SOS1: variants seen among roughly 807,000 people sequenced by gnomAD.
The protein encoded by SOS1 is SOS Ras/Rac guanine nucleotide exchange factor 1.
SOS1 carries 25 observed loss-of-function variants against 157.6 expected under a neutral mutation model. That is an observed-to-expected ratio of 0.16 (90% CI 0.12 to 0.22). The LOEUF (loss-of-function observed/expected upper bound fraction) is 0.22, where lower values mean the gene tolerates loss of function less well. Ranked by LOEUF, SOS1 falls within the 10% of genes least tolerant of loss-of-function variation. The probability of loss-of-function intolerance (pLI) is 1.00; values close to 1 mark genes in which losing one functional copy is unlikely to be tolerated. For missense variants in SOS1, 1,237 were observed against 1,599.1 expected (o/e 0.77, Z 3.86); for synonymous variants, 528 against 534.0 (o/e 0.99, Z 0.16).
chr2:39,017,915 G>A (rs1669679338), intron 10 of SOS1, among the ~76,000 whole-genome samples: 1 of 151,872 alleles, frequency 6.6e-6, no homozygotes, highest in South Asian at 2.1e-4. Context: ...TACTGATGAT[G>A]TAAAGAGCTA....
Position 39,023,222 on chromosome 2 carries a change from T to G in SOS1, c.1206A>C (p.Glu402Asp). The G allele has an allele frequency of 6.2e-7, 1 of 1,611,418 alleles. No individual in the cohort carries two copies. Among genetic ancestry groups the G allele is most frequent in the Non-Finnish European group, 8.5e-7 (1 of 1,178,046 alleles). ...SKSLAKRRLS[E>D]SACRFYSQQM... ...GCTGACTATAAAACCGACATGCAGA[T>G]TCACTGGAATAAAGAAAAAGACATT... The change falls in exon 10 of 23, where the codon GAA becomes GAC. Residue 402 changes from glutamate (E) to aspartate (D), a missense_variant. Glu to Asp is a conservative substitution (Grantham distance 45). Coordinates refer to ENST00000402219, the MANE Select transcript of SOS1 (RefSeq NM_005633.4).
At chr2:39,083,816 A>G (rs535467614) in intron 1 of SOS1, among the ~76,000 whole-genome samples, 3 of 152,338 alleles carry the variant, frequency 2.0e-5, no homozygotes, top group African/African-American at 7.2e-5. Context: ...ACCACCAGTA[A>G]GGGAATGGTT....
intron 13 of SOS1, among the ~76,000 whole-genome samples, chr2:39,012,846 C>T (rs964960115): frequency 1.3e-5 from 2 of 152,102 alleles, no homozygotes; most frequent in African/African-American, 4.8e-5. Flanking sequence ...CATGAAAGTA[C>T]TATTATTTAA....
chr2:39,120,505 G>C lies in SOS1; in HGVS notation c.-83C>G. ...CCGCGAGAGGGCGAGCTCGCAGCGCGGAACAGGGCCGCGGCCCCACCGGAC... is the reference window on the plus strand; with the variant it reads ...CCGCGAGAGGGCGAGCTCGCAGCGCCGAACAGGGCCGCGGCCCCACCGGAC... On this transcript the variant is annotated 5_prime_UTR_variant, in exon 1 of 23. Transcript: ENST00000402219. The C allele has an allele frequency of 1.6e-6, 2 of 1,235,588 alleles. No homozygotes were observed. The highest frequency in any genetic ancestry group is 2.0e-6 in the Non-Finnish European group (2 of 987,502). 76.5% of individuals were successfully genotyped at this position (1,235,588 alleles called of 1,614,324 possible).
At chr2:39,002,788 G>C (rs1669146969) in intron 17 of SOS1, among the ~76,000 whole-genome samples, 1 of 152,060 alleles carries the variant, frequency 6.6e-6, no homozygotes, top group African/African-American at 2.4e-5. Flanking sequence ...GGTCAGGCTG[G>C]GTACGGTGGC....
chr2:39,019,176 C>T (rs575781739), intron 10 of SOS1, among the ~76,000 whole-genome samples: 22 of 151,798 alleles, frequency 1.4e-4, no homozygotes, highest in Admixed American at 7.2e-4. Flanking sequence ...AAGGGAAACA[C>T]CTTTTCCCTC....
At position 38,985,023 on chromosome 2, in the gene SOS1, A is replaced by G. The variant is rs2124451939; in HGVS notation, c.*801T>C. 1 of 152,320 alleles carries G rather than the reference A, an allele frequency of 6.6e-6. No individual in the cohort carries two copies. The highest frequency in any genetic ancestry group is 2.4e-5 in the African/African-American group (1 of 41,564). The allele number at this position is 152,320 out of a possible 1,614,324, so 9.4% of individuals were successfully genotyped here. On this transcript the variant is annotated 3_prime_UTR_variant, in exon 23 of 23. Coordinates refer to ENST00000402219, the MANE Select transcript of SOS1 (RefSeq NM_005633.4). Reference sequence around the variant, plus strand: ...AAATGACAATCTAGCATAGATGAACAGTCTCCTAAATGCAAATAGAATAGT... The same window carrying G: ...AAATGACAATCTAGCATAGATGAACGGTCTCCTAAATGCAAATAGAATAGT...
intron 8 of SOS1, among the ~76,000 whole-genome samples, chr2:39,033,607 C>T (rs1437243540): frequency 6.6e-6 from 1 of 152,138 alleles, no homozygotes; most frequent in Non-Finnish European, 1.5e-5. Context: ...GTGGTCATGG[C>T]TCACTGCAGC....
At chr2:39,105,808 G>A (rs1454137025) in intron 1 of SOS1, among the ~76,000 whole-genome samples, 1 of 152,296 alleles carries the variant, frequency 6.6e-6, no homozygotes, top group East Asian at 1.9e-4. Flanking sequence ...GCTGAGGTAG[G>A]AGAGTCACTA....
At position 39,007,209 on chromosome 2, in the gene SOS1, A is replaced by G. The variant is rs1669308971; in HGVS notation, c.2511-16T>C. On this transcript the variant is annotated splice_polypyrimidine_tract_variant and intron_variant, in intron 15 of 22. Transcript: ENST00000402219. ...TACAATACATCTGGGAATAAAAAAAAAGTGAACTAAAGGTTTTAGAGTTTT... is the reference window on the plus strand; with the variant it reads ...TACAATACATCTGGGAATAAAAAAAGAGTGAACTAAAGGTTTTAGAGTTTT... 6.7e-7 allele frequency: 1 copy of G among 1,488,494 alleles called. No individual in the cohort carries two copies. Among genetic ancestry groups the G allele is most frequent in the African/African-American group, 1.4e-5 (1 of 72,440 alleles). The allele number at this position is 1,488,494 out of a possible 1,614,324, so 92.2% of individuals were successfully genotyped here. A position where few individuals can be genotyped will look rare whatever the true frequency, so the allele number is the denominator to read the frequency against.
upstream of SOS1, among the ~76,000 whole-genome samples, chr2:39,123,031 G>A (rs532015567): frequency 3.9e-5 from 6 of 152,204 alleles, no homozygotes; most frequent in South Asian, 6.2e-4. Context: ...CATTCTCAAT[G>A]TTTTCTCACC....
chr2:39,089,926 A>C (rs1672521815), intron 1 of SOS1, among the ~76,000 whole-genome samples: 1 of 151,208 alleles, frequency 6.6e-6, no homozygotes, highest in South Asian at 2.1e-4. Flanking sequence ...TAGGAGTTCG[A>C]GACCAGCCTG....
At position 39,012,266 on chromosome 2, in the gene SOS1, A is replaced by G. The variant is rs1418858338; in HGVS notation, c.2250T>C (p.His750=). The change falls in exon 14 of 23, where the codon CAT becomes CAC. Residue 750 remains histidine (H), a synonymous_variant. Coordinates refer to ENST00000402219, the MANE Select transcript of SOS1 (RefSeq NM_005633.4). ...KKIARDNGPG[H]NITFQSSPPT... Reference sequence around the variant, plus strand: ...GAGGTGAACTCTGAAATGTAATATTATGACCTGGTCCATTGTCTCTTGCAA... The same window carrying G: ...GAGGTGAACTCTGAAATGTAATATTGTGACCTGGTCCATTGTCTCTTGCAA... The G allele has an allele frequency of 1.2e-6, 2 of 1,613,404 alleles. No homozygotes were observed. The highest frequency in any genetic ancestry group is 1.3e-5 in the African/African-American group (1 of 74,882).
intron 8 of SOS1, among the ~76,000 whole-genome samples, chr2:39,032,156 A>G (rs1414096904): frequency 6.6e-6 from 1 of 152,158 alleles, no homozygotes; most frequent in Non-Finnish European, 1.5e-5. Context: ...CACAATATCT[A>G]CTTTCTTAGC....
intron 17 of SOS1, among the ~76,000 whole-genome samples, chr2:39,001,042 C>T (rs1669080539): frequency 6.6e-6 from 1 of 152,154 alleles, no homozygotes; most frequent in Non-Finnish European, 1.5e-5. Flanking sequence ...GATTAAGGTA[C>T]ATCCTCCTTT....
At chr2:39,074,617 C>A (rs1671901167) in intron 1 of SOS1, among the ~76,000 whole-genome samples, 1 of 152,100 alleles carries the variant, frequency 6.6e-6, no homozygotes, top group Admixed American at 6.5e-5. Context: ...CCTGTAATCC[C>A]AGCACTTTGG....
chr2:39,012,188 C>G lies in SOS1; in HGVS notation c.2328G>C (p.Leu776=). 6.2e-7 allele frequency: 1 copy of G among 1,613,660 alleles called. No individual in the cohort carries two copies. The highest frequency in any genetic ancestry group is 1.1e-5 in the South Asian group (1 of 91,076). ...CAATTTCTATTGGGTGTAAGGTGAG[C>G]AGGTCAAAAGTCTCTATGTGCCCAG... The part of the protein sequence containing the change: ...SRPGHIETFD[L]LTLHPIEIAR... The change falls in exon 14 of 23, where the codon CTG becomes CTC. Residue 776 remains leucine, a synonymous_variant. Coordinates refer to ENST00000402219, the MANE Select transcript of SOS1 (RefSeq NM_005633.4).
In SOS1 at chr2:39,120,185, G is replaced by A. The variant is rs540258171; in HGVS notation, c.87+151C>T. ...TGTCAACACCGAGAGCCAGCCGTAT[G>A]AGGGGGGCCTCTCCGTGTGCGCCGT... On this transcript the variant is annotated intron_variant, in intron 1 of 22. Transcript: ENST00000402219. The A allele has an allele frequency of 2.1e-4, 128 of 609,038 alleles. No individual in the cohort carries two copies. The African/African-American group carries it at 2.5e-3, about 12-fold the overall frequency. 37.7% of individuals were successfully genotyped at this position (609,038 alleles called of 1,614,324 possible). A position where few individuals can be genotyped will look rare whatever the true frequency, so the allele number is the denominator to read the frequency against.
At chr2:39,047,033 A>G (rs1166520678) in intron 6 of SOS1, among the ~76,000 whole-genome samples, 1 of 152,196 alleles carries the variant, frequency 6.6e-6, no homozygotes, top group Non-Finnish European at 1.5e-5. Flanking sequence ...GACTTTTAAC[A>G]TATGTATACA....
Sources: allele counts gnomAD v4.1 joint callset (sites outside exome capture counted in the v4.1 genomes callset), GRCh38; gene constraint gnomAD v4.1.1; transcripts MANE v1.5; gene names NCBI Gene and HGNC (gene_info 2026-07-23, HGNC 2026-07-21).